The following ADAMTS18 variants were observed in gnomAD, a reference collection of about 807,000 sequenced individuals.
ADAMTS18 encodes A disintegrin and metalloproteinase with thrombospondin motifs 18.
ADAMTS18 carries 157 observed loss-of-function variants against 165.9 expected under a neutral mutation model. The ratio of observed to expected loss-of-function variants is 0.95; its 90% CI spans 0.83 to 1.08. The LOEUF (loss-of-function observed/expected upper bound fraction) is 1.08. Ranked by LOEUF, ADAMTS18 falls within the 50% of genes least tolerant of loss-of-function variation. The pLI, the probability that ADAMTS18 is intolerant of heterozygous loss-of-function variation, is 0.00. For synonymous variants in ADAMTS18, 782 were observed against 578.2 expected, an observed-to-expected ratio of 1.35 and a Z score of -5.06; for missense variants, 2,040 against 1,534.0, an observed-to-expected ratio of 1.33 and a Z score of -5.51.
At chr16:77,285,785 C>G (rs1201475007) in intron 22 of ADAMTS18, among the ~76,000 whole-genome samples, 1 of 152,162 alleles carries the variant, frequency 6.6e-6, no homozygotes, top group Non-Finnish European at 1.5e-5. Context: ...GTTCTCCATG[C>G]AATCAGCAGA....
At chr16:77,337,386 A>T (rs1454496712) in intron 11 of ADAMTS18, among the ~76,000 whole-genome samples, 1 of 152,228 alleles carries the variant, frequency 6.6e-6, no homozygotes, top group East Asian at 1.9e-4. Flanking sequence ...TGATGCAGAG[A>T]GCTTCACATG....
rs575453297 is a variant in ADAMTS18, at chr16:77,366,978, G to A, written c.778+463C>T. On this transcript the variant is annotated intron_variant, in intron 4 of 22. Transcript: ENST00000282849. ...CATTTCTATTGGACATCGCTGGTCTGGAAACGGCCGAAGGTTGTAACTAAG... is the reference window on the plus strand; with the variant it reads ...CATTTCTATTGGACATCGCTGGTCTAGAAACGGCCGAAGGTTGTAACTAAG... Among the ~76,000 whole-genome samples, 28 of 152,188 alleles carry A rather than the reference G, an allele frequency of 1.8e-4. No homozygotes were observed. The South Asian group carries it at 5.6e-3, about 30-fold the overall frequency.
At position 77,283,833 on chromosome 16, in the gene ADAMTS18, T is replaced by C; in HGVS notation, c.*123A>G. On this transcript the variant is annotated 3_prime_UTR_variant, in exon 23 of 23. Transcript: ENST00000282849. Reference sequence around the variant, plus strand: ...CTGTCTGTTCCTCAGAGCAGGCTCCTTCATCACAGCGGCAGCTCACAGATG... The same window carrying C: ...CTGTCTGTTCCTCAGAGCAGGCTCCCTCATCACAGCGGCAGCTCACAGATG... The C allele has an allele frequency of 1.3e-6, 1 of 769,520 alleles. No homozygotes were observed. Among genetic ancestry groups the C allele is most frequent in the South Asian group, 1.4e-5 (1 of 69,064 alleles). The allele number at this position is 769,520 out of a possible 1,614,324, so 47.7% of individuals were successfully genotyped here.
chr16:77,299,678 A>G (rs564515523), intron 17 of ADAMTS18, among the ~76,000 whole-genome samples: 106 of 152,346 alleles, frequency 7.0e-4, no homozygotes, highest in Non-Finnish European at 1.4e-3. Flanking sequence ...GACATTGTTC[A>G]CATCTAAATA....
Position 77,282,906 on chromosome 16 carries a change from C to CTTTTTTT in ADAMTS18, c.*1043_*1049dup, listed in dbSNP as rs1555507097. On this transcript the variant is annotated 3_prime_UTR_variant, in exon 23 of 23. Transcript: ENST00000282849. The stretch of plus-strand genomic sequence containing the variant: ...CCACTGTTTACTCCTTTCTTTCTCT[C>CTTTTTTT]TTTTTTTTTTTTTTTTTTTTGCTGT... 32 of 77,566 alleles carry CTTTTTTT rather than the reference C, an allele frequency of 4.1e-4. No individual in the cohort carries two copies. The highest frequency in any genetic ancestry group is 9.7e-4 in the African/African-American group (24 of 24,640). The allele number at this position is 77,566 out of a possible 1,614,324, so 4.8% of individuals were successfully genotyped here. A position where few individuals can be genotyped will look rare whatever the true frequency, so the allele number is the denominator to read the frequency against.
intron 10 of ADAMTS18, among the ~76,000 whole-genome samples, chr16:77,350,343 C>T (rs2056538103): frequency 6.6e-6 from 1 of 152,088 alleles, no homozygotes; most frequent in Non-Finnish European, 1.5e-5. Flanking sequence ...AGCCCCAGAG[C>T]CTTTACCAGG....
chr16:77,371,829 G>T (rs995426104), intron 3 of ADAMTS18, among the ~76,000 whole-genome samples: 1 of 152,032 alleles, frequency 6.6e-6, no homozygotes, highest in African/African-American at 2.4e-5. Context: ...ATAGACTAAG[G>T]AGACAACCCA....
intron 3 of ADAMTS18, among the ~76,000 whole-genome samples, chr16:77,367,956 A>G (rs2056823133): frequency 6.6e-6 from 1 of 152,182 alleles, no homozygotes; most frequent in South Asian, 2.1e-4. Flanking sequence ...GGCCCACTGC[A>G]GCCTTGACCT....
chr16:77,359,552 A>C lies in ADAMTS18; in HGVS notation c.1217-129T>G, dbSNP rs202197230. On this transcript the variant is annotated intron_variant, in intron 7 of 22. Coordinates refer to ENST00000282849, the MANE Select transcript of ADAMTS18 (RefSeq NM_199355.4). ...ATCAATGCATTCAGTGTTTTTGGAA[A>C]AAAAAAAAAAAAAAGATCTATAGTT... is the stretch of plus-strand genomic sequence containing the variant. 66,010 of 230,160 alleles carry C rather than the reference A, an allele frequency of 0.29. 1,345 individuals are homozygous for C. Among genetic ancestry groups the C allele is most frequent in the South Asian group, 0.35 (6,827 of 19,786 alleles). 14.3% of individuals were successfully genotyped at this position (230,160 alleles called of 1,614,324 possible). A position where few individuals can be genotyped will look rare whatever the true frequency, so the allele number is the denominator to read the frequency against.
chr16:77,373,695 G>C (rs2056909726), intron 3 of ADAMTS18, among the ~76,000 whole-genome samples: 1 of 151,930 alleles, frequency 6.6e-6, no homozygotes, highest in South Asian at 2.1e-4. Context: ...AACACCATCT[G>C]TCCCCCAAAA....
rs558887295 is a variant in ADAMTS18 at position 77,309,588 on chromosome 16, G to C, written c.2533-9184C>G. Among the ~76,000 whole-genome samples, 11 of 152,266 alleles carry C rather than the reference G, an allele frequency of 7.2e-5. No homozygotes were observed. The East Asian group carries it at 2.1e-3, about 29-fold the overall frequency. On this transcript the variant is annotated intron_variant, in intron 16 of 22. Transcript: ENST00000282849. ...AAAGTGAAGGTCTGTTTTCTATTTA[G>C]CTTAAATTTTTAGCTTCCCAGGAAG...
At chr16:77,318,721 T>C (rs766145731) in intron 16 of ADAMTS18, among the ~76,000 whole-genome samples, 2 of 152,202 alleles carry the variant, frequency 1.3e-5, no homozygotes, top group East Asian at 1.9e-4. Flanking sequence ...TCTGTTTTTT[T>C]CCCTAGCTGT....
At chr16:77,311,509 T>C (rs2055779874) in intron 16 of ADAMTS18, among the ~76,000 whole-genome samples, 1 of 152,190 alleles carries the variant, frequency 6.6e-6, no homozygotes, top group Non-Finnish European at 1.5e-5. Context: ...ATATAATTTA[T>C]TGCTTATTAT....
At chr16:77,334,621 A>G (rs1430436221) in intron 12 of ADAMTS18, among the ~76,000 whole-genome samples, 1 of 112,496 alleles carries the variant, frequency 8.9e-6, no homozygotes, top group East Asian at 2.5e-4. Context: ...AGTATATAGT[A>G]TATATACTAT....
chr16:77,283,836 A>C lies in ADAMTS18; in HGVS notation c.*120T>G. The C allele has an allele frequency of 5.1e-6, 4 of 782,094 alleles. No homozygotes were observed. Among genetic ancestry groups the C allele is most frequent in the East Asian group, 2.6e-5 (1 of 38,272 alleles). The allele number at this position is 782,094 out of a possible 1,614,324, so 48.4% of individuals were successfully genotyped here. A position where few individuals can be genotyped will look rare whatever the true frequency, so the allele number is the denominator to read the frequency against. On this transcript the variant is annotated 3_prime_UTR_variant, in exon 23 of 23. Transcript: ENST00000282849. ...TCTGTTCCTCAGAGCAGGCTCCTTC[A>C]TCACAGCGGCAGCTCACAGATGGTT...
chr16:77,396,671 T>A (rs891957987), intron 3 of ADAMTS18, among the ~76,000 whole-genome samples: 6 of 152,144 alleles, frequency 3.9e-5, no homozygotes, highest in African/African-American at 1.4e-4. Context: ...CAAGAAGGCA[T>A]GTAAGATATG....
intron 3 of ADAMTS18, among the ~76,000 whole-genome samples, chr16:77,407,695 T>C (rs781447400): frequency 3.3e-5 from 5 of 152,106 alleles, no homozygotes; most frequent in Admixed American, 6.6e-5. Context: ...GTGCCTGTAG[T>C]GTCTTTCTGA....
At chr16:77,375,641 T>C (rs1171265870) in intron 3 of ADAMTS18, among the ~76,000 whole-genome samples, 3 of 152,132 alleles carry the variant, frequency 2.0e-5, no homozygotes, top group African/African-American at 7.2e-5. Context: ...AGTGGCCTGC[T>C]AAGAAGGAGA....
At chr16:77,422,529 G>T (rs2057616647) in intron 3 of ADAMTS18, among the ~76,000 whole-genome samples, 1 of 140,280 alleles carries the variant, frequency 7.1e-6, no homozygotes, top group Non-Finnish European at 1.6e-5. Flanking sequence ...AGGGAGGGAA[G>T]AGAGGAGAGT....
Sources: allele counts gnomAD v4.1 joint callset (sites outside exome capture counted in the v4.1 genomes callset), GRCh38; gene constraint gnomAD v4.1.1; transcripts MANE v1.5; gene names NCBI Gene and HGNC (gene_info 2026-07-23, HGNC 2026-07-21).